The following TNIP1 variants were observed in gnomAD, a reference collection of about 807,000 sequenced individuals.
The protein encoded by TNIP1 is TNFAIP3 interacting protein 1.
Under a neutral mutation model 86.6 loss-of-function variants are expected in TNIP1, and 22 were observed. That is an observed-to-expected ratio of 0.25 (90% CI 0.18 to 0.36). The LOEUF is 0.36. Ranked by LOEUF, TNIP1 falls within the 10% of genes least tolerant of loss-of-function variation. The pLI is 1.00. For missense variants in TNIP1, 709 were observed against 820.6 expected (o/e 0.86, Z 1.66); for synonymous variants, 294 against 313.0 (o/e 0.94, Z 0.64).
intron 13 of TNIP1, among the ~76,000 whole-genome samples, 169 bp from the exon 14 acceptor site, chr5:151,035,876 G>A (rs1757634132): frequency 6.6e-6 from 1 of 152,204 alleles, no homozygotes; most frequent in Admixed American, 6.5e-5. Flanking sequence ...TTCAAACAGA[G>A]TAGTTCTGTG....
intron 8 of TNIP1, 60 bp from the exon 9 acceptor site, chr5:151,046,010 C>G: frequency 6.5e-7 from 1 of 1,537,070 alleles, no homozygotes; most frequent in Middle Eastern, 1.7e-4. Context: ...CTCACCCAGT[C>G]TCGGTGCTCC....
intron 1 of TNIP1, among the ~76,000 whole-genome samples, chr5:151,076,627 C>G (rs988630678): frequency 6.6e-6 from 1 of 152,196 alleles, no homozygotes; most frequent in Non-Finnish European, 1.5e-5. Flanking sequence ...ACTGTGCACT[C>G]TCTTACCACA....
intron 15 of TNIP1, chr5:151,034,656 G>T (rs1194197597): frequency 2.7e-6 from 1 of 363,762 alleles, no homozygotes; most frequent in Non-Finnish European, 5.2e-6. Flanking sequence ...GGGCACAAAA[G>T]GCTGGGCATG....
At chr5:151,045,755 T>G in intron 9 of TNIP1, 106 bp downstream of exon 9, 3 of 1,131,664 alleles carry the variant, frequency 2.7e-6, no homozygotes, top group Non-Finnish European at 1.3e-6. Context: ...CAACTCCTCA[T>G]GGTGACCTGG....
At chr5:151,074,861 T>C (rs1763202823) in intron 1 of TNIP1, among the ~76,000 whole-genome samples, 1 of 152,182 alleles carries the variant, frequency 6.6e-6, no homozygotes, top group South Asian at 2.1e-4. Context: ...TCACTGCAAC[T>C]TCCACCTCCC....
intron 8 of TNIP1, among the ~76,000 whole-genome samples, chr5:151,048,084 C>G (rs1306882888): frequency 2.0e-5 from 3 of 152,334 alleles, no homozygotes; most frequent in Non-Finnish European, 4.4e-5. Flanking sequence ...CAAGGAAGGT[C>G]ACCCCCTTTG....
chr5:151,056,496 T>C (rs900472329), intron 6 of TNIP1, among the ~76,000 whole-genome samples: 2 of 152,144 alleles, frequency 1.3e-5, no homozygotes, highest in Non-Finnish European at 2.9e-5. Context: ...ACCCTGCACA[T>C]GAGAAATAAA....
At chr5:151,041,427 G>A (rs749891462) in intron 11 of TNIP1, among the ~76,000 whole-genome samples, 62 of 152,280 alleles carry the variant, frequency 4.1e-4, no homozygotes, top group Non-Finnish European at 7.2e-4. Context: ...CTGGAGTGCA[G>A]TGGCACAATC....
upstream of TNIP1, among the ~76,000 whole-genome samples, chr5:151,084,839 G>A (rs1764219775): frequency 6.6e-6 from 1 of 152,176 alleles, no homozygotes; most frequent in South Asian, 2.1e-4. Flanking sequence ...ACTTTTTGGT[G>A]CTGGGTGTAT....
chr5:151,062,758 A>G (rs1761743215), intron 3 of TNIP1, among the ~76,000 whole-genome samples: 1 of 152,168 alleles, frequency 6.6e-6, no homozygotes, highest in Non-Finnish European at 1.5e-5. Flanking sequence ...CCAATCAGGA[A>G]CTCAGGAACA....
rs55637016 is a variant in TNIP1 at position 151,059,779 on chromosome 5, C to CAGAGAGAGAGAGAGAGAGAG, written c.435+519_435+538dup. Among the ~76,000 whole-genome samples the CAGAGAGAGAGAGAGAGAGAG allele has an allele frequency of 8.3e-4, 56 of 67,384 alleles. 2 individuals are homozygous for CAGAGAGAGAGAGAGAGAGAG. Among genetic ancestry groups the CAGAGAGAGAGAGAGAGAGAG allele is most frequent in the Non-Finnish European group, 1.3e-3 (44 of 33,796 alleles). 44.2% of individuals were successfully genotyped at this position (67,384 alleles called of 152,430 possible). A position where few individuals can be genotyped will look rare whatever the true frequency, so the allele number is the denominator to read the frequency against. On this transcript the variant is annotated intron_variant, in intron 5 of 17. Transcript: ENST00000521591. ...AGACGCTCCAGAGCTGTACGAGAGA[C>CAGAGAGAGAGAGAGAGAGAG]AGAGAGAGAGAGAGAGAGAGAGAGA...
chr5:151,066,867 A>G (rs57783314), intron 1 of TNIP1, among the ~76,000 whole-genome samples: 7,386 of 152,158 alleles, frequency 0.049, 277 homozygotes, highest in African/African-American at 0.11. Context: ...AGGGAGTTCA[A>G]ATCTCTTTGT....
intron 3 of TNIP1, 55 bp from the exon 4 acceptor site, chr5:151,062,267 A>G: frequency 6.5e-7 from 1 of 1,530,760 alleles, no homozygotes. Flanking sequence ...AAGCCCAGGT[A>G]CCACCCTCTC....
Position 151,030,172 on chromosome 5 carries a change from G to C in TNIP1, c.*541C>G. The C allele has an allele frequency of 2.2e-6, 1 of 456,698 alleles. No individual in the cohort carries two copies. The highest frequency in any genetic ancestry group is 4.4e-6 in the Non-Finnish European group (1 of 226,850). 28.3% of individuals were successfully genotyped at this position (456,698 alleles called of 1,614,324 possible). ...AGCAAGGCTACTGTGAGTGGTGGTG[G>C]AGAGGGCCCCAGAGCCAGAATATCC... On this transcript the variant is annotated 3_prime_UTR_variant, in exon 18 of 18. Transcript: ENST00000521591.
chr5:151,030,776 A>G (rs1756781729), intron 17 of TNIP1, 29 bp from the exon 18 acceptor site: 9 of 1,567,720 alleles, frequency 5.7e-6, no homozygotes, highest in Non-Finnish European at 7.9e-6. Context: ...TGAGGACTTC[A>G]TGATTATGTG....
At chr5:151,042,874 G>C in intron 10 of TNIP1, 22 bp downstream of exon 10, 1 of 1,613,040 alleles carries the variant, frequency 6.2e-7, no homozygotes, top group Non-Finnish European at 8.5e-7. Context: ...CCCTGTGGGC[G>C]TGGCCAGGAA....
intron 4 of TNIP1, among the ~76,000 whole-genome samples, chr5:151,060,847 A>G (rs1761470155): frequency 6.6e-6 from 1 of 152,246 alleles, no homozygotes; most frequent in Non-Finnish European, 1.5e-5. Context: ...CAGATCCAGC[A>G]TTCCTGCCAC....
At chr5:151,049,717 C>T (rs1445176991) in intron 8 of TNIP1, 107 bp downstream of exon 8, 2 of 1,358,872 alleles carry the variant, frequency 1.5e-6, no homozygotes, top group African/African-American at 2.9e-5. Flanking sequence ...CCTTCTACCA[C>T]TGGCACTGGC....
intron 1 of TNIP1, among the ~76,000 whole-genome samples, chr5:151,070,030 C>A (rs1027734862): frequency 6.6e-6 from 1 of 152,254 alleles, no homozygotes; most frequent in Middle Eastern, 3.4e-3. Context: ...TGAGAGGGGG[C>A]CTCACCTGCA....
Sources: allele counts gnomAD v4.1 joint callset (sites outside exome capture counted in the v4.1 genomes callset), GRCh38; gene constraint gnomAD v4.1.1; transcripts MANE v1.5; gene names NCBI Gene and HGNC (gene_info 2026-07-23, HGNC 2026-07-21).